PLA2G4F: variants seen among roughly 807,000 people sequenced by gnomAD.
The protein encoded by PLA2G4F is phospholipase A2 group IVF.
A neutral mutation model predicts 103.1 loss-of-function variants in PLA2G4F; 105 were observed. The ratio of observed to expected loss-of-function variants is 1.02; its 90% CI spans 0.87 to 1.20. PLA2G4F has a LOEUF of 1.20. PLA2G4F is among the 50% of genes most tolerant of loss of function. The pLI is 0.00. For missense variants in PLA2G4F, 1,155 were observed against 1,075.9 expected, an observed-to-expected ratio of 1.07 and a Z score of -1.03; for synonymous variants, 468 against 441.1, an observed-to-expected ratio of 1.06 and a Z score of -0.76.
intron 18 of PLA2G4F, among the ~76,000 whole-genome samples, chr15:42,143,652 G>GAA (rs2048847804): frequency 6.6e-6 from 1 of 152,216 alleles, no homozygotes; most frequent in African/African-American, 2.4e-5. Flanking sequence ...CTGGAGTGGG[G>GAA]AAATCTGTCA....
chr15:42,142,566 G>A lies in PLA2G4F; in HGVS notation c.2291C>T (p.Pro764Leu). Residue 764 changes from proline (P) to leucine (L), a missense_variant, in exon 19 of 20, where the codon CCC (proline) becomes CTC (leucine). This residue lies in a region of PLA2G4F where 782 missense variants were observed against 692.9 expected (regional missense o/e 1.13). Transcript: ENST00000397272. ...TGTGCGGAAGGTACGGTTAACCAGG[G>A]GGAAGTGCAGCACAATGGGGGAGCG... ...DPRSPIVLHF[P>L]LVNRTFRTHL... 1.9e-6 allele frequency: 3 copies of A among 1,614,048 alleles called. No homozygotes were observed. Among genetic ancestry groups the A allele is most frequent in the Non-Finnish European group, 2.5e-6 (3 of 1,179,972 alleles).
rs547939141 is a variant in PLA2G4F, at chr15:42,139,349, C to G, written c.*2635G>C. On this transcript the variant is annotated 3_prime_UTR_variant, in exon 20 of 20. Transcript: ENST00000397272. ...TTAGCTATTCTCCTCCAAAGCTATG[C>G]AGAGCCTTCCAACCTTTCAGAAGGC... 6 of 152,934 alleles carry G rather than the reference C, an allele frequency of 3.9e-5. No homozygotes were observed. Among genetic ancestry groups the G allele is most frequent in the African/African-American group, 1.4e-4 (6 of 41,596 alleles). 9.5% of individuals were successfully genotyped at this position (152,934 alleles called of 1,614,324 possible).
chr15:42,144,598 C>T lies in PLA2G4F; in HGVS notation c.1827G>A (p.Thr609=), dbSNP rs147877127. The change falls in exon 17 of 20, where the codon ACG becomes ACA. Residue 609 remains threonine, a synonymous_variant. Coordinates refer to ENST00000397272, the MANE Select transcript of PLA2G4F (RefSeq NM_213600.4). ...AGGGCCCCTGTGGGGTGAGGAGCCTCGTTCGCAGCCTCGAGGGGTTGTGCA... is the reference window on the plus strand; with the variant it reads ...AGGGCCCCTGTGGGGTGAGGAGCCTTGTTCGCAGCCTCGAGGGGTTGTGCA... ...PQLHNPSRLR[T]RLLTPQGPFS... The T allele has an allele frequency of 1.5e-4, 246 of 1,611,932 alleles. No homozygotes were observed. The highest frequency in any genetic ancestry group is 6.0e-4 in the East Asian group (27 of 44,860).
intron 14 of PLA2G4F, 71 bp from the exon 15 acceptor site, chr15:42,145,974 T>C (rs777961094): frequency 1.7e-5 from 27 of 1,599,248 alleles, no homozygotes; most frequent in Non-Finnish European, 2.3e-5. Context: ...GCAGGAATCT[T>C]AGCCTTGACA....
In PLA2G4F at chr15:42,148,178, T is replaced by A. The variant is rs1260283582; in HGVS notation, c.1060-416A>T. The stretch of plus-strand genomic sequence containing the variant: ...GCCTGGGCGACAGAGCGAGACTCCG[T>A]CTCAAAAAAAAAAAAAAAAAAGAGA... On this transcript the variant is annotated intron_variant, in intron 11 of 19. Transcript: ENST00000397272. 3.5e-5 allele frequency among the ~76,000 whole-genome samples: 4 copies of A among 115,078 alleles called. No individual in the cohort carries two copies. In the East Asian group the frequency reaches 9.2e-4, roughly 27 times the overall value. The allele number at this position is 115,078 out of a possible 152,430, so 75.5% of individuals were successfully genotyped here. A position where few individuals can be genotyped will look rare whatever the true frequency, so the allele number is the denominator to read the frequency against.
chr15:42,142,849 C>CAGAAAGGAG, intron 18 of PLA2G4F, 135 bp from the exon 19 acceptor site: 2 of 896,240 alleles, frequency 2.2e-6, no homozygotes, highest in Non-Finnish European at 3.4e-6. Context: ...GGTGACAGCT[C>CAGAAAGGAG]CTTTCTGAGC....
In PLA2G4F at chr15:42,149,196, C is replaced by T. The variant is rs898888555; in HGVS notation, c.1059+517G>A. Reference sequence around the variant, plus strand: ...AATTCCTGTGTTGAAGCCCTAACCCCCAATGTGACAGTATTTGGAAACAGG... The same window carrying T: ...AATTCCTGTGTTGAAGCCCTAACCCTCAATGTGACAGTATTTGGAAACAGG... On this transcript the variant is annotated intron_variant, in intron 11 of 19. Coordinates refer to ENST00000397272, the MANE Select transcript of PLA2G4F (RefSeq NM_213600.4). 31 of 975,928 alleles carry T rather than the reference C, an allele frequency of 3.2e-5. 1 individual carries two copies. The African/African-American group carries it at 4.9e-4, about 15-fold the overall frequency. The allele number at this position is 975,928 out of a possible 1,614,324, so 60.5% of individuals were successfully genotyped here.
intron 11 of PLA2G4F, chr15:42,148,866 C>A: frequency 1.0e-6 from 1 of 985,428 alleles, no homozygotes; most frequent in East Asian, 1.1e-4. Context: ...TCACAGAAGG[C>A]GCTGTCGCTT....
chr15:42,144,793 A>T, intron 16 of PLA2G4F, 149 bp from the exon 17 acceptor site: 1 of 801,336 alleles, frequency 1.2e-6, no homozygotes, highest in Non-Finnish European at 1.8e-6. Flanking sequence ...CCTCTGACCA[A>T]TGCTTCATTG....
At chr15:42,154,040 G>A in intron 4 of PLA2G4F, 52 bp downstream of exon 4, 4 of 1,611,260 alleles carry the variant, frequency 2.5e-6, no homozygotes, top group East Asian at 4.5e-5. Flanking sequence ...GTGGCCCTGT[G>A]CTGGGCCTCC....
rs188486079 is a variant in PLA2G4F, at chr15:42,145,465, C to G, written c.1780+110G>C. ...TCATTTCCTCAGGACTTCCCCGAAT[C>G]CAGTGGGACAGCCAAGTCCTTCTCT... On this transcript the variant is annotated intron_variant, in intron 16 of 19. Transcript: ENST00000397272. 224 of 1,121,050 alleles carry G rather than the reference C, an allele frequency of 2.0e-4. No homozygotes were observed. The Admixed American group carries it at 2.3e-3, about 11-fold the overall frequency. The allele number at this position is 1,121,050 out of a possible 1,614,324, so 69.4% of individuals were successfully genotyped here.
At position 42,147,310 on chromosome 15, in the gene PLA2G4F, G is replaced by C. The variant is rs563166913; in HGVS notation, c.1233C>G (p.Ser411=). The part of the protein sequence containing the change: ...ISTLYRDPAW[S]QVALQGPIER... ...CAATGGGGCCCTGCAAGGCCACCTG[G>C]GACCAGGCTGGGTCCCTGTAGAGTG... Residue 411 remains serine (S), a synonymous_variant, in exon 13 of 20, where the codon TCC becomes TCG. Transcript: ENST00000397272. The C allele has an allele frequency of 3.1e-6, 5 of 1,609,604 alleles. No individual in the cohort carries two copies. The African/African-American group carries it at 4.0e-5, about 13-fold the overall frequency.
Position 42,142,346 on chromosome 15 carries a change from C to A in PLA2G4F, c.2330-142G>T, listed in dbSNP as rs1331248604. ...TGGGCCACATCTCAGCTCTCAGACC[C>A]CCCAGGAGGGGCTGGCCCCATCTGA... On this transcript the variant is annotated intron_variant, in intron 19 of 19. Transcript: ENST00000397272. 4 of 1,154,272 alleles carry A rather than the reference C, an allele frequency of 3.5e-6. No individual in the cohort carries two copies. In the African/African-American group the frequency reaches 6.3e-5, roughly 18 times the overall value. 71.5% of individuals were successfully genotyped at this position (1,154,272 alleles called of 1,614,324 possible). A position where few individuals can be genotyped will look rare whatever the true frequency, so the allele number is the denominator to read the frequency against.
At chr15:42,155,924 A>G (rs1401270747) in intron 1 of PLA2G4F, among the ~76,000 whole-genome samples, 2 of 152,120 alleles carry the variant, frequency 1.3e-5, no homozygotes, top group Non-Finnish European at 2.9e-5. Context: ...GAGCTGTGCT[A>G]ATGTTGTGCT....
At chr15:42,144,683 G>A in intron 16 of PLA2G4F, 39 bp from the exon 17 acceptor site, 12 of 1,518,232 alleles carry the variant, frequency 7.9e-6, no homozygotes, top group Non-Finnish European at 9.7e-6. Flanking sequence ...GGGGAAAGTG[G>A]CATCCTCCTT....
chr15:42,150,081 C>T, intron 10 of PLA2G4F, 23 bp downstream of exon 10: 3 of 1,614,166 alleles, frequency 1.9e-6, no homozygotes, highest in Non-Finnish European at 2.5e-6. Flanking sequence ...CCCAAGAGGC[C>T]TTCTGCCTGG....
rs73403546 is a variant in PLA2G4F, at chr15:42,150,625, G to A, written c.754C>T (p.Leu252=). The change falls in exon 8 of 20, where the codon CTG becomes TTG. Residue 252 remains leucine, a synonymous_variant. Transcript: ENST00000397272. ...GCACTCACCTGCACAGCTGCCAGCA[G>A]CTCCATCAGCTCCACGTGTAGCCTG... The part of the protein sequence containing the change: ...SSRLHVELME[L]LAAVQSGPSA... 4 of 1,610,434 alleles carry A rather than the reference G, an allele frequency of 2.5e-6. No homozygotes were observed. The highest frequency in any genetic ancestry group is 2.5e-6 in the Non-Finnish European group (3 of 1,178,372).
At chr15:42,145,243 G>T (rs907555836) in intron 16 of PLA2G4F, among the ~76,000 whole-genome samples, 2 of 152,188 alleles carry the variant, frequency 1.3e-5, no homozygotes, top group African/African-American at 4.8e-5. Flanking sequence ...TGATCCAGGG[G>T]AGAAAAGCGG....
At position 42,149,812 on chromosome 15, in the gene PLA2G4F, G is replaced by A; in HGVS notation, c.960C>T (p.Leu320=). The A allele has an allele frequency of 6.2e-7, 1 of 1,614,220 alleles. No homozygotes were observed. Among genetic ancestry groups the A allele is most frequent in the Non-Finnish European group, 8.5e-7 (1 of 1,180,040 alleles). Residue 320 remains leucine, a synonymous_variant, in exon 11 of 20, where the codon CTC becomes CTT. Coordinates refer to ENST00000397272, the MANE Select transcript of PLA2G4F (RefSeq NM_213600.4). ...CCAGAAACTCCTGCTCCCCGTCAGA[G>A]AGGTCAAAGCCAAGGCGTAGGTCTA... ...GDLDLRLGFD[L]SDGEQEFLDR...
Sources: gnomAD v4.1 joint callset for allele counts (sites outside exome capture counted in the v4.1 genomes callset) on GRCh38, gnomAD v4.1.1 for gene constraint, gnomAD v4.1.1 regional missense constraint, MANE v1.5 for transcripts, NCBI Gene and HGNC (gene_info 2026-07-23, HGNC 2026-07-21) for gene names.